The following WWOX variants were observed in gnomAD, a reference collection of about 807,000 sequenced individuals.
WWOX encodes the protein WW domain-containing oxidoreductase.
WWOX carries 69 observed loss-of-function variants against 46.2 expected under a neutral mutation model. That is an observed-to-expected ratio of 1.49 (90% CI 1.23 to 1.82). The LOEUF is 1.82. Ranked by LOEUF, WWOX falls within the 40% of genes most tolerant of loss-of-function variation. WWOX has a pLI of 0.00. For missense variants in WWOX, 919 were observed against 542.6 expected, an observed-to-expected ratio of 1.69 and a Z score of -6.89; for synonymous variants, 359 against 202.6, an observed-to-expected ratio of 1.77 and a Z score of -6.56.
At chr16:78,427,338 C>T (rs142013519) in intron 7 of WWOX, among the ~76,000 whole-genome samples, 9 of 152,284 alleles carry the variant, frequency 5.9e-5, no homozygotes, top group African/African-American at 1.7e-4. Flanking sequence ...ATCTGAGCAA[C>T]TGAATTGAGT....
chr16:78,278,681 C>G lies in WWOX; in HGVS notation c.517-108179C>G, dbSNP rs1011259549. 6 of 1,589,802 alleles carry G rather than the reference C, an allele frequency of 3.8e-6. No individual in the cohort carries two copies. In the African/African-American group the frequency reaches 6.7e-5, roughly 18 times the overall value. The stretch of plus-strand genomic sequence containing the variant: ...GCAAAAGAAGGAAAAAATAAAAGAT[C>G]TTGAATAGTCTCATCAATTACATCT... On this transcript the variant is annotated intron_variant, in intron 5 of 8. Coordinates refer to ENST00000566780, the MANE Select transcript of WWOX (RefSeq NM_016373.4).
intron 8 of WWOX, among the ~76,000 whole-genome samples, chr16:79,083,980 C>A (rs986766198): frequency 6.6e-6 from 1 of 152,152 alleles, no homozygotes; most frequent in African/African-American, 2.4e-5. Flanking sequence ...TCGGAGCCCA[C>A]CCTTGTAGTT....
chr16:78,481,938 A>ACGGG (rs1195030252), intron 8 of WWOX, among the ~76,000 whole-genome samples: 1 of 152,136 alleles, frequency 6.6e-6, no homozygotes, highest in African/African-American at 2.4e-5. Context: ...AAGATTTCGT[A>ACGGG]ACTTTCTCAC....
chr16:78,965,599 G>T (rs528146009), intron 8 of WWOX, among the ~76,000 whole-genome samples: 33 of 151,614 alleles, frequency 2.2e-4, no homozygotes, highest in Non-Finnish European at 4.7e-4. Flanking sequence ...GCCTTATTCA[G>T]ATACACAGTC....
intron 8 of WWOX, among the ~76,000 whole-genome samples, chr16:78,817,185 T>C (rs2051355705): frequency 7.1e-6 from 1 of 141,568 alleles, no homozygotes; most frequent in South Asian, 2.4e-4. Flanking sequence ...TTTTTTTTTT[T>C]TTTTTTTTTT....
intron 4 of WWOX, chr16:78,123,809 A>C (rs990450365): frequency 1.3e-5 from 2 of 151,822 alleles, no homozygotes; most frequent in Non-Finnish European, 2.9e-5. Flanking sequence ...TACAAGCCTT[A>C]CCCAGTGTTA....
At chr16:78,433,951 G>A (rs2083281156) in intron 8 of WWOX, among the ~76,000 whole-genome samples, 1 of 151,612 alleles carries the variant, frequency 6.6e-6, no homozygotes, top group South Asian at 2.1e-4. Flanking sequence ...CACTATGCCC[G>A]GCTAATTTTT....
chr16:78,636,078 T>C (rs1024264861), intron 8 of WWOX, among the ~76,000 whole-genome samples: 1 of 152,210 alleles, frequency 6.6e-6, no homozygotes, highest in African/African-American at 2.4e-5. Flanking sequence ...GAGAGACATC[T>C]GCACTCTAGT....
At chr16:78,646,989 G>A (rs1346941537) in intron 8 of WWOX, among the ~76,000 whole-genome samples, 1 of 152,152 alleles carries the variant, frequency 6.6e-6, no homozygotes, top group African/African-American at 2.4e-5. Flanking sequence ...CTCAGACTCT[G>A]CTGGGCCCAG....
At chr16:79,113,371 T>C (rs964812127) in intron 8 of WWOX, among the ~76,000 whole-genome samples, 3 of 152,178 alleles carry the variant, frequency 2.0e-5, no homozygotes, top group African/African-American at 7.2e-5. Context: ...GCAAAGAAAC[T>C]GGAGTACTTA....
intron 8 of WWOX, among the ~76,000 whole-genome samples, chr16:78,929,689 T>C (rs1281490625): frequency 6.6e-6 from 1 of 152,032 alleles, no homozygotes; most frequent in Non-Finnish European, 1.5e-5. Flanking sequence ...TGCAGCCAGC[T>C]CAGGAAAGAT....
chr16:79,209,665 C>G (rs73569313), intron 8 of WWOX, among the ~76,000 whole-genome samples: 127 of 152,084 alleles, frequency 8.4e-4, no homozygotes, highest in Non-Finnish European at 1.6e-3. Flanking sequence ...AAAACACCAT[C>G]TCCACCAGAA....
At chr16:78,803,796 G>C (rs1426778718) in intron 8 of WWOX, among the ~76,000 whole-genome samples, 2 of 152,116 alleles carry the variant, frequency 1.3e-5, no homozygotes, top group African/African-American at 4.8e-5. Flanking sequence ...CAGGGGATCT[G>C]TTGGAAGTGG....
intron 8 of WWOX, among the ~76,000 whole-genome samples, chr16:78,736,853 C>G (rs8051793): frequency 0.15 from 22,818 of 152,040 alleles, 2,081 homozygotes; most frequent in African/African-American, 0.25. Context: ...ATACAATTCC[C>G]CTGCCTCAGA....
chr16:78,670,802 C>T (rs1049544150), intron 8 of WWOX, among the ~76,000 whole-genome samples: 1 of 152,006 alleles, frequency 6.6e-6, no homozygotes, highest in African/African-American at 2.4e-5. Flanking sequence ...ATGAGCCACT[C>T]CACCTACCCA....
chr16:79,064,186 T>C (rs956199463), intron 8 of WWOX, among the ~76,000 whole-genome samples: 2 of 152,182 alleles, frequency 1.3e-5, no homozygotes, highest in Non-Finnish European at 2.9e-5. Flanking sequence ...ATTTGTAATA[T>C]TGTTGTACAA....
intron 5 of WWOX, among the ~76,000 whole-genome samples, chr16:78,231,631 A>G (rs968179477): frequency 2.6e-5 from 4 of 152,154 alleles, no homozygotes; most frequent in Admixed American, 2.0e-4. Flanking sequence ...GAGTAGCTCG[A>G]CTTTTGCATC....
At chr16:78,362,717 C>T (rs1406450647) in intron 5 of WWOX, among the ~76,000 whole-genome samples, 3 of 152,144 alleles carry the variant, frequency 2.0e-5, no homozygotes, top group Admixed American at 1.3e-4. Flanking sequence ...TTCCAGGAAA[C>T]AGCCTCAACC....
At chr16:78,118,871 CCT>C (rs2032949663) in intron 4 of WWOX, 3 of 151,792 alleles carry the variant, frequency 2.0e-5, no homozygotes, top group Admixed American at 6.6e-5. Flanking sequence ...GAAACCCCCG[CCT>C]TTTTTTTAGG....
Sources: allele counts gnomAD v4.1 joint callset (sites outside exome capture counted in the v4.1 genomes callset), GRCh38; gene constraint gnomAD v4.1.1; transcripts MANE v1.5; gene names NCBI Gene and HGNC (gene_info 2026-07-23, HGNC 2026-07-21).